Variants in ATP11A observed in about 807,000 individuals in gnomAD.
ATP11A encodes phospholipid-transporting ATPase IH.
Under a neutral mutation model 154.4 loss-of-function variants are expected in ATP11A, and 81 were observed. The observed-to-expected ratio is 0.52, with a 90% CI of 0.44 to 0.63. The LOEUF (loss-of-function observed/expected upper bound fraction) is 0.63, where lower values mean the gene tolerates loss of function less well. Ranked by LOEUF, ATP11A falls within the 30% of genes least tolerant of loss-of-function variation. The probability of loss-of-function intolerance (pLI) is 0.00; values close to 1 mark genes in which losing one functional copy is unlikely to be tolerated. For missense variants in ATP11A, 1,316 were observed against 1,474.3 expected (o/e 0.89, Z 1.76); for synonymous variants, 623 against 585.9 (o/e 1.06, Z -0.91).
chr13:112,831,879 C>T (rs1349899435), intron 13 of ATP11A, among the ~76,000 whole-genome samples: 1 of 151,764 alleles, frequency 6.6e-6, no homozygotes, highest in Non-Finnish European at 1.5e-5. Flanking sequence ...TGTGCACACA[C>T]ACACATGCAG....
intron 5 of ATP11A, among the ~76,000 whole-genome samples, chr13:112,815,450 T>C (rs2078619653): frequency 6.6e-6 from 1 of 151,814 alleles, no homozygotes; most frequent in Non-Finnish European, 1.5e-5. Context: ...CTGCAATGCC[T>C]TCCTCATCCT....
chr13:112,851,045 C>T lies in ATP11A; in HGVS notation c.1818C>T (p.Leu606=). 1 of 1,613,802 alleles carries T rather than the reference C, an allele frequency of 6.2e-7. No homozygotes were observed. The highest frequency in any genetic ancestry group is 8.5e-7 in the Non-Finnish European group (1 of 1,179,782). The change falls in exon 18 of 30, where the codon CTC becomes CTT. Residue 606 remains leucine, a synonymous_variant. Transcript: ENST00000375645. ...TGCATTGTGTTCTGCAGGAGGGGCT[C>T]CGAACTTTGTGTGTTGCTTATAAAA... ...ARVERNAVEG[L]RTLCVAYKRL...
intron 25 of ATP11A, among the ~76,000 whole-genome samples, chr13:112,864,594 C>G (rs76261582): frequency 2.2e-5 from 1 of 44,650 alleles, no homozygotes; most frequent in African/African-American, 2.1e-4. Context: ...CCATCACCAC[C>G]TGCACAGTAA....
At chr13:112,756,105 C>T (rs918444942) in intron 1 of ATP11A, among the ~76,000 whole-genome samples, 4 of 152,244 alleles carry the variant, frequency 2.6e-5, no homozygotes, top group East Asian at 1.9e-4. Flanking sequence ...CTTAGAGCAG[C>T]GTAAATTTCT....
chr13:112,796,698 C>T (rs923267958), intron 2 of ATP11A, among the ~76,000 whole-genome samples: 2 of 152,202 alleles, frequency 1.3e-5, no homozygotes, highest in African/African-American at 4.8e-5. Flanking sequence ...GCATAAGAAA[C>T]TCATACACCT....
Position 112,885,410 on chromosome 13 carries a change from T to C in ATP11A, c.*3544T>C, listed in dbSNP as rs2080960531. 6.6e-6 allele frequency: 1 copy of C among 152,054 alleles called. No homozygotes were observed. Among genetic ancestry groups the C allele is most frequent in the Non-Finnish European group, 1.5e-5 (1 of 68,042 alleles). 9.4% of individuals were successfully genotyped at this position (152,054 alleles called of 1,614,324 possible). On this transcript the variant is annotated 3_prime_UTR_variant, in exon 30 of 30. Transcript: ENST00000375645. ...TCCTGCACACGTGCACATTCATGTG[T>C]ACACCACAAATGAGTTCCCAGACGT...
intron 25 of ATP11A, among the ~76,000 whole-genome samples, chr13:112,866,132 C>G (rs554397200): frequency 6.6e-6 from 1 of 152,260 alleles, no homozygotes; most frequent in Admixed American, 6.5e-5. Context: ...CACTGGCGTC[C>G]CTTCCCACCC....
At chr13:112,823,224 C>A in intron 8 of ATP11A, 121 bp from the exon 9 acceptor site, 1 of 745,132 alleles carries the variant, frequency 1.3e-6, no homozygotes, top group Non-Finnish European at 2.4e-6. Flanking sequence ...TCCGTGTATG[C>A]CATCTCCTCT....
chr13:112,846,123 G>A (rs769195524), intron 17 of ATP11A, among the ~76,000 whole-genome samples: 11 of 152,142 alleles, frequency 7.2e-5, no homozygotes, highest in Non-Finnish European at 1.3e-4. Flanking sequence ...GAGGTGTTTC[G>A]TGATGGGATG....
At chr13:112,774,985 G>A (rs1028924626) in intron 1 of ATP11A, among the ~76,000 whole-genome samples, 1 of 152,250 alleles carries the variant, frequency 6.6e-6, no homozygotes, top group Non-Finnish European at 1.5e-5. Context: ...TTTGTTGTTC[G>A]GTGGGTCCCA....
At chr13:112,702,805 C>A (rs1347980520) in intron 1 of ATP11A, among the ~76,000 whole-genome samples, 53 of 152,230 alleles carry the variant, frequency 3.5e-4, no homozygotes, top group Admixed American at 3.5e-3. Context: ...TCTCGCAGCG[C>A]CCCCACCTCG....
intron 8 of ATP11A, among the ~76,000 whole-genome samples, chr13:112,822,470 C>CA (rs1295298531): frequency 1.3e-5 from 2 of 152,142 alleles, no homozygotes; most frequent in Non-Finnish European, 2.9e-5. Context: ...ATGTCCCCCC[C>CA]ATTCAGAGGA....
rs1296824223 is a variant in ATP11A at position 112,863,104 on chromosome 13, CAT to C, written c.2991+530_2991+531del. ...ACCTGCACAGTAATTCAGCGTAGCACATGCAGTTTCCCAGCGGGGTCCATCAC... is the reference window on the plus strand; with the variant it reads ...ACCTGCACAGTAATTCAGCGTAGCACGCAGTTTCCCAGCGGGGTCCATCAC... On this transcript the variant is annotated intron_variant, in intron 25 of 29. Transcript: ENST00000375645. Among the ~76,000 whole-genome samples, 119 of 145,756 alleles carry C rather than the reference CAT, an allele frequency of 8.2e-4. 26 individuals are homozygous for C. The highest frequency in any genetic ancestry group is 1.6e-3 in the Admixed American group (24 of 14,642).
intron 28 of ATP11A, among the ~76,000 whole-genome samples, chr13:112,876,324 C>G (rs2080723199): frequency 6.6e-6 from 1 of 152,040 alleles, no homozygotes; most frequent in Non-Finnish European, 1.5e-5. Context: ...TCAGGAAATG[C>G]TGGTATTGGT....
intron 1 of ATP11A, among the ~76,000 whole-genome samples, chr13:112,729,298 C>T (rs920789371): frequency 5.9e-5 from 9 of 152,230 alleles, no homozygotes; most frequent in African/African-American, 1.9e-4. Flanking sequence ...CTCTTTACTA[C>T]GTTTGCTTTC....
At chr13:112,767,845 G>A (rs1000912182) in intron 1 of ATP11A, among the ~76,000 whole-genome samples, 26 of 152,092 alleles carry the variant, frequency 1.7e-4, no homozygotes, top group African/African-American at 5.8e-4. Context: ...CTTGTCACCT[G>A]CTCGGTGGCA....
chr13:112,777,995 C>G (rs572206983), intron 1 of ATP11A, among the ~76,000 whole-genome samples: 1 of 152,266 alleles, frequency 6.6e-6, no homozygotes, highest in South Asian at 2.1e-4. Context: ...GTGCAGGCGC[C>G]TCTGTCTGGA....
At chr13:112,722,406 A>G (rs1356570324) in intron 1 of ATP11A, among the ~76,000 whole-genome samples, 1 of 152,098 alleles carries the variant, frequency 6.6e-6, no homozygotes, top group Admixed American at 6.6e-5. Flanking sequence ...GTAGAAAGGA[A>G]TGTCTGGGTT....
intron 2 of ATP11A, among the ~76,000 whole-genome samples, chr13:112,797,150 G>A (rs1046910195): frequency 7.2e-5 from 11 of 151,772 alleles, no homozygotes; most frequent in African/African-American, 2.2e-4. Flanking sequence ...AGGTGTGGTG[G>A]CAGGTGCCTG....
Sources: gnomAD v4.1 joint callset for allele counts (sites outside exome capture counted in the v4.1 genomes callset) on GRCh38, gnomAD v4.1.1 for gene constraint, MANE v1.5 for transcripts, NCBI Gene and HGNC (gene_info 2026-07-23, HGNC 2026-07-21) for gene names.